BDP1: variants seen among roughly 807,000 people sequenced by gnomAD.
The protein encoded by BDP1 is BDP1 general transcription factor IIIB subunit.
A neutral mutation model predicts 266.6 loss-of-function variants in BDP1; 169 were observed. The ratio of observed to expected loss-of-function variants is 0.63; its 90% confidence interval spans 0.56 to 0.72. The LOEUF (loss-of-function observed/expected upper bound fraction) is 0.72, where lower values mean the gene tolerates loss of function less well. Ranked by LOEUF, BDP1 falls within the 30% of genes least tolerant of loss-of-function variation. The pLI, the probability that BDP1 is intolerant of heterozygous loss-of-function variation, is 0.00. For missense variants in BDP1, 3,015 were observed against 3,053.8 expected (o/e 0.99, Z 0.30); for synonymous variants, 1,090 against 1,022.4 (o/e 1.07, Z -1.26).
At chr5:71,458,483 G>A in intron 1 of BDP1, 96 bp from the exon 2 acceptor site, 2 of 844,052 alleles carry the variant, frequency 2.4e-6, no homozygotes, top group South Asian at 2.6e-5. Flanking sequence ...TTAATTACGA[G>A]ATTGCAGTTT....
chr5:71,509,687 T>G lies in BDP1; in HGVS notation c.2595T>G (p.Ile865Met). ...TSPKEMVPAE[I>M]NTKEMQSDLK... ...CAAAGGAGATGGTACCAGCAGAGAT[T>G]AATACTAAAGAAATGCAGTCAGATT... The change falls in exon 17 of 39, where the codon ATT becomes ATG. Residue 865 changes from isoleucine to methionine, a missense_variant. Transcript: ENST00000358731. The G allele has an allele frequency of 6.2e-7, 1 of 1,613,380 alleles. No individual in the cohort carries two copies. The highest frequency in any genetic ancestry group is 8.5e-7 in the Non-Finnish European group (1 of 1,179,878).
chr5:71,514,911 A>T, intron 19 of BDP1, 33 bp from the exon 20 acceptor site: 2 of 1,474,020 alleles, frequency 1.4e-6, no homozygotes, highest in Non-Finnish European at 1.8e-6. Context: ...TACTTTTAGC[A>T]ACTGTGAATG....
In BDP1 at chr5:71,560,107, A is replaced by T; in HGVS notation, c.7366A>T (p.Met2456Leu). The change falls in exon 37 of 39, where the codon ATG (methionine) becomes TTG (leucine). Residue 2456 changes from methionine (M) to leucine (L), a missense_variant. Met to Leu is a conservative substitution (Grantham distance 15). This residue lies in a region of BDP1 where 629 missense variants were observed against 632.5 expected (regional missense o/e 0.99). Transcript: ENST00000358731. Reference protein sequence around the residue: ...SRGSRSPDACMDKNVPQLPQD... With the variant: ...SRGSRSPDACLDKNVPQLPQD... ...AGGATCTAGATCTCCTGATGCATGCATGGACAAGAATGTGCCTCAGTTACC... is the reference window on the plus strand; with the variant it reads ...AGGATCTAGATCTCCTGATGCATGCTTGGACAAGAATGTGCCTCAGTTACC... 6.2e-7 allele frequency: 1 copy of T among 1,614,188 alleles called. No individual in the cohort carries two copies. Among genetic ancestry groups the T allele is most frequent in the Non-Finnish European group, 8.5e-7 (1 of 1,180,014 alleles).
intron 13 of BDP1, among the ~76,000 whole-genome samples, chr5:71,499,454 T>C (rs575811215): frequency 5.9e-5 from 9 of 152,172 alleles, no homozygotes; most frequent in Non-Finnish European, 1.0e-4. Flanking sequence ...CCATCTCTAC[T>C]AAAAATACAA....
intron 7 of BDP1, among the ~76,000 whole-genome samples, chr5:71,481,324 G>A (rs1162881031): frequency 1.3e-5 from 2 of 148,506 alleles, no homozygotes; most frequent in African/African-American, 2.5e-5. Context: ...GCTGAGACGG[G>A]AGGATTGCTT....
chr5:71,500,533 G>C (rs1461201405), intron 13 of BDP1, among the ~76,000 whole-genome samples: 4 of 151,568 alleles, frequency 2.6e-5, no homozygotes, highest in Non-Finnish European at 5.9e-5. Context: ...CACCATGTTA[G>C]CCAGGCTGCT....
intron 22 of BDP1, among the ~76,000 whole-genome samples, chr5:71,518,835 CTTTT>C (rs35834219): frequency 2.3e-5 from 3 of 128,638 alleles, no homozygotes; most frequent in Admixed American, 1.6e-4. Context: ...GTATGGATTA[CTTTT>C]TTTTTTTTTT....
intron 25 of BDP1, 111 bp downstream of exon 25, chr5:71,524,434 T>A (rs377553112): frequency 8.5e-7 from 1 of 1,177,522 alleles, no homozygotes; most frequent in African/African-American, 1.5e-5. Flanking sequence ...TTTGAAGAGT[T>A]CATTCTCTAA....
Position 71,496,380 on chromosome 5 carries a change from A to G in BDP1, c.1800-890A>G, listed in dbSNP as rs374412347. On this transcript the variant is annotated intron_variant, in intron 12 of 38. Coordinates refer to ENST00000358731, the MANE Select transcript of BDP1 (RefSeq NM_018429.3). ...TCATAGGGTTCAAACATCGAAAAGT[A>G]TAAAAAGGTATGATTGAGCTCTCCC... 1.6e-4 allele frequency among the ~76,000 whole-genome samples: 25 copies of G among 152,266 alleles called. No individual in the cohort carries two copies. In the South Asian group the frequency reaches 4.6e-3, roughly 28 times the overall value.
downstream of BDP1, among the ~76,000 whole-genome samples, chr5:71,569,158 T>G (rs1467998119): frequency 1.3e-5 from 2 of 152,218 alleles, no homozygotes; most frequent in Non-Finnish European, 2.9e-5. Context: ...CTGGGAAGCT[T>G]TAAAAAGTTT....
rs572592391 is a variant in BDP1, at chr5:71,513,984, A to G, written c.4470+577A>G. Among the ~76,000 whole-genome samples the G allele has an allele frequency of 4.0e-4, 61 of 152,190 alleles. No homozygotes were observed. In the South Asian group the frequency reaches 4.8e-3, roughly 12 times the overall value. On this transcript the variant is annotated intron_variant, in intron 19 of 38. Transcript: ENST00000358731. Reference sequence around the variant, plus strand: ...GTGATCTGCCTGCTTTGGCCTCCCAAAGTGCTGGGATTACGCTGAGCCGTG... The same window carrying G: ...GTGATCTGCCTGCTTTGGCCTCCCAGAGTGCTGGGATTACGCTGAGCCGTG...
At chr5:71,504,352 C>T (rs779249000) in intron 15 of BDP1, among the ~76,000 whole-genome samples, 3 of 151,790 alleles carry the variant, frequency 2.0e-5, no homozygotes, top group Non-Finnish European at 4.4e-5. Context: ...AAAGATAGAC[C>T]CCACAGGGGT....
At chr5:71,502,911 C>A in intron 15 of BDP1, 120 bp downstream of exon 15, 1 of 788,148 alleles carries the variant, frequency 1.3e-6, no homozygotes, top group Non-Finnish European at 1.9e-6. Context: ...TTATTTATGA[C>A]GGAGTCTTGC....
At chr5:71,470,585 C>A in intron 7 of BDP1, 96 bp downstream of exon 7, 38 of 750,938 alleles carry the variant, frequency 5.1e-5, no homozygotes, top group Non-Finnish European at 7.2e-5. Flanking sequence ...AATCTTAGTT[C>A]ATCTTTTTTT....
chr5:71,516,996 A>G (rs1200814134), intron 21 of BDP1, among the ~76,000 whole-genome samples: 2 of 152,164 alleles, frequency 1.3e-5, no homozygotes, highest in African/African-American at 2.4e-5. Flanking sequence ...AATCTTTGAA[A>G]CTTTTCTCTG....
intron 12 of BDP1, among the ~76,000 whole-genome samples, chr5:71,495,771 A>G (rs1035921653): frequency 2.6e-5 from 4 of 152,106 alleles, no homozygotes; most frequent in African/African-American, 9.7e-5. Context: ...TAATATTTTG[A>G]TATTGGTGAT....
At chr5:71,522,615 G>T in intron 23 of BDP1, 125 bp downstream of exon 23, 1 of 1,164,608 alleles carries the variant, frequency 8.6e-7, no homozygotes, top group Admixed American at 2.6e-5. Flanking sequence ...CATGAAAAGT[G>T]ACTTTCTAGT....
At chr5:71,464,640 C>T (rs987224549) in intron 4 of BDP1, among the ~76,000 whole-genome samples, 2 of 150,940 alleles carry the variant, frequency 1.3e-5, no homozygotes, top group African/African-American at 2.4e-5. Context: ...CTCCTGGGCT[C>T]GTGATCCTCC....
Position 71,517,348 on chromosome 5 carries a change from T to TG in BDP1, c.4888dup (p.Glu1630GlyfsTer14). On this transcript the variant is annotated frameshift_variant, in exon 22 of 39. Transcript: ENST00000358731. LOFTEE classifies it high-confidence loss of function. ...CAAATTCTCAAATTGAAACTGAAAT[T>TG]GAAGTTCCATCGTCCGCAGTTCCAG... 1 of 1,597,434 alleles carries TG rather than the reference T, an allele frequency of 6.3e-7. No homozygotes were observed. Among genetic ancestry groups the TG allele is most frequent in the Non-Finnish European group, 8.5e-7 (1 of 1,175,572 alleles).
Sources: gnomAD v4.1 joint callset for allele counts (sites outside exome capture counted in the v4.1 genomes callset) on GRCh38, gnomAD v4.1.1 for gene constraint, gnomAD v4.1.1 regional missense constraint, MANE v1.5 for transcripts, NCBI Gene and HGNC (gene_info 2026-07-23, HGNC 2026-07-21) for gene names.